The following LARP4B variants were observed in gnomAD, a reference collection of about 807,000 sequenced individuals.
The protein encoded by LARP4B is La ribonucleoprotein 4B, also known as la-related protein 4B.
A neutral mutation model predicts 89.8 loss-of-function variants in LARP4B; 12 were observed. The observed-to-expected ratio is 0.13, with a 90% CI of 0.09 to 0.22. LARP4B has a LOEUF of 0.22. Among genes scored for constraint, LARP4B ranks in the 10% least tolerant of loss-of-function variants. The probability of loss-of-function intolerance (pLI) is 1.00; values close to 1 mark genes in which losing one functional copy is unlikely to be tolerated. For missense variants in LARP4B, 757 were observed against 947.7 expected, an observed-to-expected ratio of 0.80 and a Z score of 2.64; for synonymous variants, 367 against 363.3, an observed-to-expected ratio of 1.01 and a Z score of -0.12.
At chr10:955,715 G>T in the LARP4B span, among the ~76,000 whole-genome samples, 1 of 151,994 alleles carries the variant, frequency 6.6e-6, no homozygotes, top group Non-Finnish European at 1.5e-5. This position sits in a 1 kb window ranked among gnomAD's most constrained non-coding sequence, Gnocchi z 5.2. Flanking sequence ...TGTTCTTTCT[G>T]CTTTAAGTTG....
the LARP4B span, among the ~76,000 whole-genome samples, chr10:983,162 ATCT>A: frequency 4.6e-5 from 7 of 152,256 alleles, no homozygotes; most frequent in African/African-American, 1.4e-4. Flanking sequence ...TTTAAAGAGC[ATCT>A]TCTTTAGATG....
chr10:884,474 C>T lies in LARP4B; in HGVS notation c.114G>A (p.Gln38=). The change falls in exon 3 of 18, where the codon CAG becomes CAA. Residue 38 remains glutamine (Q), a synonymous_variant. Coordinates refer to ENST00000316157, the MANE Select transcript of LARP4B (RefSeq NM_015155.3). ...GACTCAAAGGTGGGATGGAACTTGT[C>T]TGAGAAGTGGTTTGAGATATAGGAC... The part of the protein sequence containing the change: ...MNGPISQTTS[Q]TSSIPPLSQV... 6.2e-7 allele frequency: 1 copy of T among 1,608,072 alleles called. No individual in the cohort carries two copies. The highest frequency in any genetic ancestry group is 8.5e-7 in the Non-Finnish European group (1 of 1,174,768).
At chr10:925,702 T>G (rs1462282572) in intron 1 of LARP4B, among the ~76,000 whole-genome samples, 1 of 151,970 alleles carries the variant, frequency 6.6e-6, no homozygotes, top group Non-Finnish European at 1.5e-5. Context: ...CCTGGCTAAT[T>G]TTTGTATTTT....
At chr10:981,507 A>T in the LARP4B span, among the ~76,000 whole-genome samples, 13 of 152,214 alleles carry the variant, frequency 8.5e-5, no homozygotes, top group African/African-American at 2.9e-4. Flanking sequence ...TATATCACTA[A>T]GTAATATTTA....
intron 3 of LARP4B, 112 bp downstream of exon 3, chr10:884,335 A>G (rs1252843292): frequency 2.5e-6 from 2 of 809,394 alleles, no homozygotes; most frequent in Admixed American, 4.2e-5. Flanking sequence ...CAACTTTTTG[A>G]GAAATATCTA....
At chr10:835,394 AGCATGAACGAC>A (rs1833155039) in intron 8 of LARP4B, among the ~76,000 whole-genome samples, 1 of 152,212 alleles carries the variant, frequency 6.6e-6, no homozygotes, top group African/African-American at 2.4e-5. Flanking sequence ...GGAAAGAGGT[AGCATGAACGAC>A]GAGGCTGAAA....
chr10:833,347 CG>C (rs779954857), intron 8 of LARP4B, among the ~76,000 whole-genome samples: 3 of 144,996 alleles, frequency 2.1e-5, no homozygotes, highest in Non-Finnish European at 4.5e-5. Context: ...CCGTCCTGGG[CG>C]GCATGCCGCC....
At chr10:908,496 G>A (rs1836560456) in intron 1 of LARP4B, among the ~76,000 whole-genome samples, 1 of 152,134 alleles carries the variant, frequency 6.6e-6, no homozygotes, top group South Asian at 2.1e-4. Flanking sequence ...GCGTGGGAGT[G>A]GCATCAGAAG....
chr10:833,881 C>T (rs531213278), intron 8 of LARP4B, among the ~76,000 whole-genome samples: 48 of 142,416 alleles, frequency 3.4e-4, no homozygotes, highest in African/African-American at 1.1e-3. Context: ...GAGCAAGATG[C>T]CACCTCAAAA....
intron 3 of LARP4B, among the ~76,000 whole-genome samples, chr10:878,939 A>G (rs1478993876): frequency 6.6e-6 from 1 of 152,242 alleles, no homozygotes; most frequent in Admixed American, 6.5e-5. Context: ...TAAAGAAATT[A>G]CAAAATGTTC....
intron 5 of LARP4B, among the ~76,000 whole-genome samples, chr10:848,858 G>A (rs1444568348): frequency 6.6e-6 from 1 of 152,096 alleles, no homozygotes; most frequent in African/African-American, 2.4e-5. Context: ...ACCAGAAACC[G>A]CCATGACATG....
chr10:824,547 CA>C (rs1409697589), intron 13 of LARP4B, among the ~76,000 whole-genome samples: 10 of 152,096 alleles, frequency 6.6e-5, no homozygotes, highest in African/African-American at 2.4e-4. Context: ...GGATTGATGC[CA>C]AAAAAATGTT....
At chr10:907,934 G>T (rs34254874) in intron 1 of LARP4B, among the ~76,000 whole-genome samples, 18,429 of 152,242 alleles carry the variant, frequency 0.12, 1,394 homozygotes, top group Non-Finnish European at 0.17. Flanking sequence ...GGCTGGGTGC[G>T]GTGGCTCACG....
chr10:868,929 T>C (rs568167335), intron 3 of LARP4B, among the ~76,000 whole-genome samples: 1 of 152,374 alleles, frequency 6.6e-6, no homozygotes, highest in African/African-American at 2.4e-5. Context: ...CTTGCTACTC[T>C]GAGTATGTGC....
chr10:950,467 C>T, the LARP4B span, among the ~76,000 whole-genome samples: 1 of 152,292 alleles, frequency 6.6e-6, no homozygotes, highest in South Asian at 2.1e-4. Context: ...TTCAAAATTG[C>T]TTTAGCTACT....
At chr10:876,752 G>C (rs1268310817) in intron 3 of LARP4B, among the ~76,000 whole-genome samples, 1 of 152,084 alleles carries the variant, frequency 6.6e-6, no homozygotes, top group Non-Finnish European at 1.5e-5. Flanking sequence ...GGGCTTCTCT[G>C]CAGCAGGTTC....
At chr10:851,626 T>C (rs1008506339) in intron 5 of LARP4B, among the ~76,000 whole-genome samples, 6 of 152,214 alleles carry the variant, frequency 3.9e-5, no homozygotes, top group African/African-American at 1.4e-4. Flanking sequence ...CAGAGTATTA[T>C]GAACAACTCT....
At chr10:840,818 G>A (rs1833486562) in intron 7 of LARP4B, among the ~76,000 whole-genome samples, 1 of 152,194 alleles carries the variant, frequency 6.6e-6, no homozygotes, top group Admixed American at 6.5e-5. Flanking sequence ...TATCTGCTGT[G>A]TGTCTGAGTC....
intron 7 of LARP4B, among the ~76,000 whole-genome samples, chr10:837,364 G>A (rs1271738873): frequency 1.3e-5 from 2 of 152,196 alleles, no homozygotes; most frequent in Non-Finnish European, 2.9e-5. Context: ...CTTGTGGGTT[G>A]TAAAACTTAA....
Sources: allele counts gnomAD v4.1 joint callset (sites outside exome capture counted in the v4.1 genomes callset), GRCh38; gene constraint gnomAD v4.1.1; non-coding constraint Gnocchi (gnomAD v3.1); transcripts MANE v1.5; gene names NCBI Gene and HGNC (gene_info 2026-07-23, HGNC 2026-07-21).